Variants in RGS12 observed in about 807,000 individuals in gnomAD.
RGS12 encodes regulator of G protein signaling 12.
A neutral mutation model predicts 120.1 loss-of-function variants in RGS12; 66 were observed. The ratio of observed to expected loss-of-function variants is 0.55; its 90% CI spans 0.45 to 0.67. The LOEUF is 0.67. Ranked by LOEUF, RGS12 falls within the 30% of genes least tolerant of loss-of-function variation. The pLI is 0.00. For missense variants in RGS12, 1,859 were observed against 1,957.7 expected (o/e 0.95, Z 0.95); for synonymous variants, 827 against 804.7 (o/e 1.03, Z -0.47).
intron 12 of RGS12, 30 bp downstream of exon 12, chr4:3,423,008 A>G (rs1259663626): frequency 6.3e-7 from 1 of 1,590,130 alleles, no homozygotes; most frequent in South Asian, 1.1e-5. Context: ...CATTCACCTG[A>G]GGCTCCCAGA....
chr4:3,338,380 G>A (rs1010901122), intron 2 of RGS12, among the ~76,000 whole-genome samples: 6 of 152,362 alleles, frequency 3.9e-5, no homozygotes, highest in African/African-American at 9.6e-5. Context: ...GGCACTGAGA[G>A]TGGCCAAGAA....
intron 16 of RGS12, among the ~76,000 whole-genome samples, chr4:3,429,021 C>T (rs1022391161): frequency 1.3e-5 from 2 of 152,232 alleles, no homozygotes; most frequent in African/African-American, 4.8e-5. Context: ...CTCCCTATGG[C>T]CCCACCACTG....
At chr4:3,436,499 G>A (rs963002180) in intron 17 of RGS12, among the ~76,000 whole-genome samples, 7 of 152,186 alleles carry the variant, frequency 4.6e-5, no homozygotes, top group African/African-American at 1.7e-4. Flanking sequence ...CCCTCGGGGG[G>A]CAGGAAGGGC....
Position 3,317,769 on chromosome 4 carries a change from C to T in RGS12, c.1599C>T (p.Phe533=), listed in dbSNP as rs1185435442. ...GCACCGTGGGTGCTGGCTGTGGTTT[C>T]AACCAGCGCTGGCTCCCGGTCCACG... ...KRGTVGAGCG[F]NQRWLPVHVL... The change falls in exon 2 of 18, where the codon TTC becomes TTT. Residue 533 remains phenylalanine (F), a synonymous_variant. Coordinates refer to ENST00000336727, the MANE Select transcript of RGS12 (RefSeq NM_001394154.1). 4 of 1,613,534 alleles carry T rather than the reference C, an allele frequency of 2.5e-6. No individual in the cohort carries two copies. Among genetic ancestry groups the T allele is most frequent in the Non-Finnish European group, 2.5e-6 (3 of 1,179,994 alleles).
At position 3,374,193 on chromosome 4, in the gene RGS12, A is replaced by G. The variant is rs73193374; in HGVS notation, c.1999-12223A>G. Among the ~76,000 whole-genome samples the G allele has an allele frequency of 2.2e-4, 34 of 152,360 alleles. No homozygotes were observed. The highest frequency in any genetic ancestry group is 4.6e-4 in the Non-Finnish European group (31 of 68,028). On this transcript the variant is annotated intron_variant, in intron 3 of 17. Coordinates refer to ENST00000336727, the MANE Select transcript of RGS12 (RefSeq NM_001394154.1). The surrounding 1 kb of genome is among the most constrained non-coding windows in gnomAD (Gnocchi z 6.3). ...CCTTGCAACGCTTGCCATCCTACGC[A>G]TGATGCAGGGACCCCGGCCCTCCGC...
intron 1 of RGS12, among the ~76,000 whole-genome samples, chr4:3,303,722 C>G (rs1723812477): frequency 6.6e-6 from 1 of 152,194 alleles, no homozygotes; most frequent in Non-Finnish European, 1.5e-5. Flanking sequence ...GAAGCTAAAG[C>G]CAGTGTTCAC....
At chr4:3,349,073 C>T (rs1339943643) in intron 3 of RGS12, among the ~76,000 whole-genome samples, 2 of 152,148 alleles carry the variant, frequency 1.3e-5, no homozygotes, top group African/African-American at 2.4e-5. Context: ...TACTAATAGC[C>T]GATCAATACT....
intron 3 of RGS12, among the ~76,000 whole-genome samples, chr4:3,352,221 G>A (rs966048986): frequency 2.0e-5 from 3 of 152,124 alleles, no homozygotes; most frequent in African/African-American, 7.2e-5. Flanking sequence ...CGAGACAGAT[G>A]CAAGGTCCTT....
At chr4:3,414,992 TGA>T (rs1722199721) in intron 6 of RGS12, 148 bp downstream of exon 6, 2 of 483,832 alleles carry the variant, frequency 4.1e-6, no homozygotes, top group Non-Finnish European at 7.2e-6. Flanking sequence ...AGGTTGCGTG[TGA>T]GGGGCGTGTG....
At chr4:3,287,014 G>C in the RGS12 span, among the ~76,000 whole-genome samples, 2 of 152,226 alleles carry the variant, frequency 1.3e-5, no homozygotes, top group Admixed American at 6.5e-5. Context: ...GTTGGGGCCA[G>C]CATCAGCTTT....
intron 3 of RGS12, chr4:3,343,274 T>C: frequency 4.1e-6 from 2 of 491,898 alleles, no homozygotes; most frequent in South Asian, 4.9e-5. Context: ...TGGGGTGCTC[T>C]TCTGTGTGCC....
chr4:3,341,030 C>T (rs1415763174), intron 2 of RGS12, among the ~76,000 whole-genome samples: 2 of 151,578 alleles, frequency 1.3e-5, no homozygotes, highest in Non-Finnish European at 2.9e-5. Context: ...TTAGAGCCTT[C>T]TCTCGGCCTG....
intron 4 of RGS12, among the ~76,000 whole-genome samples, chr4:3,404,552 T>C (rs1198459408): frequency 6.6e-6 from 1 of 152,172 alleles, no homozygotes; most frequent in Non-Finnish European, 1.5e-5. Context: ...TCAGAGCTCA[T>C]GGGAGCCAGT....
At chr4:3,329,945 A>T (rs1047602928) in intron 2 of RGS12, among the ~76,000 whole-genome samples, 6 of 152,196 alleles carry the variant, frequency 3.9e-5, no homozygotes, top group Non-Finnish European at 7.3e-5. Context: ...GGAGTCACTG[A>T]TCTTATTGCA....
chr4:3,352,083 G>T (rs772438518), intron 3 of RGS12, among the ~76,000 whole-genome samples: 1 of 152,150 alleles, frequency 6.6e-6, no homozygotes, highest in Non-Finnish European at 1.5e-5. Context: ...AGCCAGGCAT[G>T]CAGTCCAAAC....
intron 3 of RGS12, among the ~76,000 whole-genome samples, chr4:3,363,645 C>T (rs1210362194): frequency 1.3e-5 from 2 of 151,892 alleles, no homozygotes; most frequent in African/African-American, 4.8e-5. Context: ...GCGCACACTG[C>T]AGGGCTCCAT....
At position 3,366,725 on chromosome 4, in the gene RGS12, G is replaced by A. The variant is rs926259202; in HGVS notation, c.1999-19691G>A. Among the ~76,000 whole-genome samples, 2 of 152,204 alleles carry A rather than the reference G, an allele frequency of 1.3e-5. No homozygotes were observed. The highest frequency in any genetic ancestry group is 2.9e-5 in the Non-Finnish European group (2 of 68,018). Reference sequence around the variant, plus strand: ...GGCCCTGGTTAGGCTGGGGCATCACGGGATGTGTCCTCTAGCAGAGACTGG... The same window carrying A: ...GGCCCTGGTTAGGCTGGGGCATCACAGGATGTGTCCTCTAGCAGAGACTGG... On this transcript the variant is annotated intron_variant, in intron 3 of 17. Transcript: ENST00000336727. This position sits in a 1 kb window ranked among gnomAD's most constrained non-coding sequence, Gnocchi z 4.0.
chr4:3,342,371 C>A (rs549681802), intron 2 of RGS12: 260 of 1,213,876 alleles, frequency 2.1e-4, no homozygotes, highest in Admixed American at 7.8e-4. Flanking sequence ...TGAATTAATT[C>A]TGGTCATTTC....
intron 3 of RGS12, among the ~76,000 whole-genome samples, chr4:3,368,087 GGTTCTCAGGCGCTGGTGGCT>G (rs1239156330): frequency 2.0e-5 from 3 of 152,198 alleles, no homozygotes; most frequent in East Asian, 1.9e-4. Context: ...GGCTGCCTTC[GGTTCTCAGGCGCTGGTGGCT>G]GTTCCCAGGG....
Sources: allele counts gnomAD v4.1 joint callset (sites outside exome capture counted in the v4.1 genomes callset), GRCh38; gene constraint gnomAD v4.1.1; non-coding constraint Gnocchi (gnomAD v3.1); transcripts MANE v1.5; gene names NCBI Gene and HGNC (gene_info 2026-07-23, HGNC 2026-07-21).